MARK2: variants seen among roughly 807,000 people sequenced by gnomAD.
MARK2 encodes serine/threonine-protein kinase MARK2.
A neutral mutation model predicts 89.8 loss-of-function variants in MARK2; 16 were observed. The ratio of observed to expected loss-of-function variants is 0.18; its 90% CI spans 0.12 to 0.27. The LOEUF (loss-of-function observed/expected upper bound fraction) is 0.27. Among genes scored for constraint, MARK2 ranks in the 10% least tolerant of loss-of-function variants. The pLI, the probability that MARK2 is intolerant of heterozygous loss-of-function variation, is 1.00. For synonymous variants in MARK2, 382 were observed against 399.5 expected (o/e 0.96, Z 0.52); for missense variants, 621 against 1,049.9 (o/e 0.59, Z 5.65).
At chr11:63,890,442 T>C in intron 1 of MARK2, 1 of 384,778 alleles carries the variant, frequency 2.6e-6, no homozygotes, top group Non-Finnish European at 5.0e-6. Context: ...CAGAACCTCC[T>C]CTCTTTCCCT....
At chr11:63,865,066 C>G (rs949484789) in intron 1 of MARK2, among the ~76,000 whole-genome samples, 1 of 148,968 alleles carries the variant, frequency 6.7e-6, no homozygotes, top group African/African-American at 2.5e-5. Context: ...ATTTTTTGCA[C>G]TTTTTGTAGA....
rs1941560176 is a variant in MARK2 at position 63,908,832 on chromosome 11, G to GGT, written c.2007-43_2007-42dup. ...TGCCAGGGTGGCTCTCCTGGGGTGG[G>GGT]GTGCCTCAGCCCCCCCGTGACGCCC... On this transcript the variant is annotated intron_variant, in intron 18 of 18. Coordinates refer to ENST00000402010, the MANE Select transcript of MARK2 (RefSeq NM_001039469.3). 2.1e-6 allele frequency: 3 copies of GGT among 1,398,094 alleles called. No individual in the cohort carries two copies. The East Asian group carries it at 8.1e-5, about 38-fold the overall frequency. The allele number at this position is 1,398,094 out of a possible 1,614,324, so 86.6% of individuals were successfully genotyped here. A position where few individuals can be genotyped will look rare whatever the true frequency, so the allele number is the denominator to read the frequency against.
At chr11:63,879,306 CA>C (rs55729409) in intron 1 of MARK2, among the ~76,000 whole-genome samples, 1 of 145,556 alleles carries the variant, frequency 6.9e-6, no homozygotes, top group African/African-American at 2.5e-5. Context: ...GACTCTGTCT[CA>C]AAAAAAAAAC....
chr11:63,890,260 G>C, intron 1 of MARK2: 1 of 1,345,174 alleles, frequency 7.4e-7, no homozygotes, highest in Non-Finnish European at 9.8e-7. Flanking sequence ...CCCTGCTGTG[G>C]GAAACATCTT....
chr11:63,860,955 C>T (rs962822168), intron 1 of MARK2, among the ~76,000 whole-genome samples: 1 of 152,120 alleles, frequency 6.6e-6, no homozygotes, highest in African/African-American at 2.4e-5. Flanking sequence ...AAGTGCTCAA[C>T]ATATCAATTC....
chr11:63,909,027 C>T lies in MARK2; in HGVS notation c.2157C>T (p.Asp719=). ...EMMREIRKVL[D]ANSCQSELHE... ...TGCGGGAGATCCGCAAGGTGCTGGA[C>T]GCGAACAGCTGCCAGAGCGAGCTGC... The change falls in exon 19 of 19, where the codon GAC becomes GAT. Residue 719 remains aspartate, a synonymous_variant. Coordinates refer to ENST00000402010, the MANE Select transcript of MARK2 (RefSeq NM_001039469.3). The T allele has an allele frequency of 1.3e-6, 2 of 1,598,692 alleles. No individual in the cohort carries two copies. The highest frequency in any genetic ancestry group is 2.2e-5 in the South Asian group (2 of 90,734).
At chr11:63,852,266 C>T (rs1029403358) in intron 1 of MARK2, among the ~76,000 whole-genome samples, 1 of 152,150 alleles carries the variant, frequency 6.6e-6, no homozygotes, top group African/African-American at 2.4e-5. Context: ...CTTAGTACTT[C>T]TGTGCTCTTA....
chr11:63,908,846 C>A lies in MARK2; in HGVS notation c.2007-31C>A, dbSNP rs778779796. 5 of 1,436,270 alleles carry A rather than the reference C, an allele frequency of 3.5e-6. No homozygotes were observed. The South Asian group carries it at 6.6e-5, about 19-fold the overall frequency. The allele number at this position is 1,436,270 out of a possible 1,614,324, so 89.0% of individuals were successfully genotyped here. ...TCCTGGGGTGGGGTGCCTCAGCCCC[C>A]CCGTGACGCCCGCCTCTGCCCTCTC... is the stretch of plus-strand genomic sequence containing the variant. On this transcript the variant is annotated intron_variant, in intron 18 of 18. Coordinates refer to ENST00000402010, the MANE Select transcript of MARK2 (RefSeq NM_001039469.3).
rs1941138253 is a variant in MARK2, at chr11:63,904,198, C to CCTAG, written c.1676+52_1676+53insTAGC. The CCTAG allele has an allele frequency of 6.9e-7, 1 of 1,444,758 alleles. No homozygotes were observed. The highest frequency in any genetic ancestry group is 1.4e-5 in the African/African-American group (1 of 69,006). The allele number at this position is 1,444,758 out of a possible 1,614,324, so 89.5% of individuals were successfully genotyped here. On this transcript the variant is annotated intron_variant, in intron 15 of 18. Coordinates refer to ENST00000402010, the MANE Select transcript of MARK2 (RefSeq NM_001039469.3). This position sits in a 1 kb window ranked among gnomAD's most constrained non-coding sequence, Gnocchi z 6.3. ...ACCTGCTGCCCTCAGCCCACCCTAC[C>CCTAG]CCCTTGCCCCAACAATTTCTTCTTC...
intron 1 of MARK2, among the ~76,000 whole-genome samples, chr11:63,845,487 T>G (rs1306032699): frequency 6.6e-6 from 1 of 152,158 alleles, no homozygotes; most frequent in Non-Finnish European, 1.5e-5. Flanking sequence ...TCTCCAGGCC[T>G]CCTCCCAGCT....
At chr11:63,891,374 T>C (rs1939843347) in intron 1 of MARK2, among the ~76,000 whole-genome samples, 1 of 152,308 alleles carries the variant, frequency 6.6e-6, no homozygotes, top group Admixed American at 6.5e-5. Context: ...AGAGAATGAA[T>C]GGTACAATCT....
chr11:63,902,376 A>C lies in MARK2; in HGVS notation c.1234+46A>C. 1 of 1,611,564 alleles carries C rather than the reference A, an allele frequency of 6.2e-7. No individual in the cohort carries two copies. Among genetic ancestry groups the C allele is most frequent in the Non-Finnish European group, 8.5e-7 (1 of 1,178,454 alleles). ...TAGGTGGGGACTCACCCCTCTCCAG[A>C]GAGGTTACAGGTTCTGTGGGGACTT... is the stretch of plus-strand genomic sequence containing the variant. On this transcript the variant is annotated intron_variant, in intron 12 of 18. Coordinates refer to ENST00000402010, the MANE Select transcript of MARK2 (RefSeq NM_001039469.3). The surrounding 1 kb of genome is among the most constrained non-coding windows in gnomAD (Gnocchi z 4.2).
intron 1 of MARK2, among the ~76,000 whole-genome samples, chr11:63,874,784 A>G (rs1057387367): frequency 3.3e-5 from 5 of 152,154 alleles, no homozygotes; most frequent in Non-Finnish European, 7.3e-5. Flanking sequence ...AGCGTTAGAT[A>G]CCACGGTCAC....
chr11:63,871,944 C>A (rs1938476258), intron 1 of MARK2, among the ~76,000 whole-genome samples: 1 of 152,170 alleles, frequency 6.6e-6, no homozygotes, highest in African/African-American at 2.4e-5. Flanking sequence ...TTGGCTTTTG[C>A]TCTGCAGCAA....
At chr11:63,879,716 C>T (rs777354579) in intron 1 of MARK2, among the ~76,000 whole-genome samples, 2 of 152,054 alleles carry the variant, frequency 1.3e-5, no homozygotes, top group Non-Finnish European at 2.9e-5. Flanking sequence ...GCAGCCTGGC[C>T]CAACAGGGAG....
Position 63,900,756 on chromosome 11 carries a change from C to G in MARK2, c.889-24C>G. On this transcript the variant is annotated intron_variant, in intron 9 of 18. Transcript: ENST00000402010. The surrounding 1 kb of genome is among the most constrained non-coding windows in gnomAD (Gnocchi z 4.7). ...TCCAGCTGAGTTTCTTCCCCCTGCCCTTTTCCTTCTCTGTGCTCCCCAGCA... is the reference window on the plus strand; with the variant it reads ...TCCAGCTGAGTTTCTTCCCCCTGCCGTTTTCCTTCTCTGTGCTCCCCAGCA... The G allele has an allele frequency of 1.2e-6, 2 of 1,613,996 alleles. No homozygotes were observed. Among genetic ancestry groups the G allele is most frequent in the South Asian group, 1.1e-5 (1 of 91,072 alleles).
At chr11:63,881,650 C>T (rs1004976001) in intron 1 of MARK2, among the ~76,000 whole-genome samples, 1 of 151,168 alleles carries the variant, frequency 6.6e-6, no homozygotes, top group African/African-American at 2.4e-5. Context: ...GGGACACAAA[C>T]AAGAAATCAA....
intron 1 of MARK2, among the ~76,000 whole-genome samples, chr11:63,863,795 C>A (rs1937962395): frequency 6.6e-6 from 1 of 150,716 alleles, no homozygotes; most frequent in Admixed American, 6.6e-5. Context: ...TTTTTTGAAA[C>A]AGGATCTTGT....
intron 1 of MARK2, chr11:63,888,870 C>A: frequency 7.5e-7 from 1 of 1,329,630 alleles, no homozygotes; most frequent in Non-Finnish European, 9.9e-7. Context: ...TGGCTCTTCC[C>A]GGCCTCTGTA....
Sources: gnomAD v4.1 joint callset for allele counts (sites outside exome capture counted in the v4.1 genomes callset) on GRCh38, gnomAD v4.1.1 for gene constraint, Gnocchi (gnomAD v3.1) non-coding constraint, MANE v1.5 for transcripts, NCBI Gene and HGNC (gene_info 2026-07-23, HGNC 2026-07-21) for gene names.